CLIP4: variants seen among roughly 807,000 people sequenced by gnomAD.
CLIP4 encodes the protein CAP-Gly domain-containing linker protein 4.
In CLIP4, 47 loss-of-function variants were observed where a neutral mutation model predicts 73.1. That is an observed-to-expected ratio of 0.64 (90% CI 0.51 to 0.82). CLIP4 has a LOEUF of 0.82. CLIP4 is among the 40% of genes least tolerant of loss of function. The pLI is 0.00. For synonymous variants in CLIP4, 306 were observed against 295.4 expected, an observed-to-expected ratio of 1.04 and a Z score of -0.37; for missense variants, 874 against 852.9, an observed-to-expected ratio of 1.02 and a Z score of -0.31.
At position 29,156,933 on chromosome 2, in the gene CLIP4, A is replaced by G. The variant is rs150980425; in HGVS notation, c.1256-271A>G. On this transcript the variant is annotated intron_variant, in intron 10 of 15. Transcript: ENST00000320081. ...GTGACTGATGGTCATTAGATTAGGT[A>G]GTCAGTTCACATCAATTGATGTGGT... Among the ~76,000 whole-genome samples the G allele has an allele frequency of 6.4e-3, 970 of 152,312 alleles. 11 individuals are homozygous for G. The highest frequency in any genetic ancestry group is 0.022 in the African/African-American group (917 of 41,570).
Position 29,160,373 on chromosome 2 carries a change from T to C in CLIP4, c.1440T>C (p.Arg480=). The change falls in exon 12 of 16, where the codon CGT becomes CGC. Residue 480 remains arginine, a synonymous_variant. Transcript: ENST00000320081. ...SSATSTANNS[R]CEGELRLGER... is the part of the protein sequence containing the mutation. ...CAACATCTACAGCAAATAATAGCCG[T>C]TGCGAGGGGGAACTCCGCCTCGGAG... The C allele has an allele frequency of 6.2e-7, 1 of 1,614,134 alleles. No homozygotes were observed. The highest frequency in any genetic ancestry group is 8.5e-7 in the Non-Finnish European group (1 of 1,180,004).
At chr2:29,118,517 ATT>A (rs34856696) in intron 1 of CLIP4, among the ~76,000 whole-genome samples, 35 of 138,834 alleles carry the variant, frequency 2.5e-4, no homozygotes, top group South Asian at 2.3e-4. Flanking sequence ...ATTAGTGCCA[ATT>A]TTTTTTTTTT....
intron 5 of CLIP4, among the ~76,000 whole-genome samples, chr2:29,134,586 T>C (rs1295572795): frequency 7.0e-6 from 1 of 142,556 alleles, no homozygotes; most frequent in Non-Finnish European, 1.5e-5. Flanking sequence ...TCTACACTAC[T>C]GTGTCTTTAA....
At chr2:29,132,578 T>C in intron 4 of CLIP4, 1 of 237,034 alleles carries the variant, frequency 4.2e-6, no homozygotes, top group Non-Finnish European at 8.1e-6. Context: ...TACTGATCCC[T>C]AATCTTAAGA....
At position 29,179,077 on chromosome 2, in the gene CLIP4, G is replaced by A. The variant is rs533049887; in HGVS notation, c.1797-2495G>A. Among the ~76,000 whole-genome samples the A allele has an allele frequency of 6.6e-5, 10 of 152,346 alleles. No homozygotes were observed. In the East Asian group the frequency reaches 1.7e-3, roughly 26 times the overall value. ...CCCCAGGTGCTGGGATTATAGGCAT[G>A]AGCCACTGCGCCCAGCCTCTTTTTT... On this transcript the variant is annotated intron_variant, in intron 15 of 15. Transcript: ENST00000320081.
chr2:29,105,114 T>C (rs1359820934), intron 1 of CLIP4, among the ~76,000 whole-genome samples: 4 of 152,212 alleles, frequency 2.6e-5, no homozygotes, highest in African/African-American at 4.8e-5. Flanking sequence ...GCAATGTGTT[T>C]AATGAGGTGT....
intron 6 of CLIP4, among the ~76,000 whole-genome samples, chr2:29,139,528 G>A (rs1665611255): frequency 6.6e-6 from 1 of 151,932 alleles, no homozygotes; most frequent in Admixed American, 6.6e-5. Context: ...CTCCTCCTTG[G>A]TTTTTTCATA....
chr2:29,179,615 A>T (rs1668534912), intron 15 of CLIP4, among the ~76,000 whole-genome samples: 1 of 152,234 alleles, frequency 6.6e-6, no homozygotes, highest in African/African-American at 2.4e-5. Flanking sequence ...CGAAAGAGAT[A>T]ACGTATGTGA....
chr2:29,144,631 C>G (rs528782219), intron 7 of CLIP4, among the ~76,000 whole-genome samples: 1 of 151,864 alleles, frequency 6.6e-6, no homozygotes, highest in Non-Finnish European at 1.5e-5. Flanking sequence ...TGATTTGCTG[C>G]ACCCATCAAC....
At position 29,164,458 on chromosome 2, in the gene CLIP4, C is replaced by G. The variant is rs1025686663; in HGVS notation, c.1658+504C>G. Among the ~76,000 whole-genome samples the G allele has an allele frequency of 2.0e-5, 3 of 152,250 alleles. 1 individual carries two copies. Among genetic ancestry groups the G allele is most frequent in the Admixed American group, 2.0e-4 (3 of 15,292 alleles). ...CTTCAAGGATTTTTATATAATATATCTCCTTGGTGTTTCTTCTTAAGATAG... is the reference window on the plus strand; with the variant it reads ...CTTCAAGGATTTTTATATAATATATGTCCTTGGTGTTTCTTCTTAAGATAG... On this transcript the variant is annotated intron_variant, in intron 13 of 15. Transcript: ENST00000320081.
At chr2:29,124,456 G>T (rs143673641) in intron 2 of CLIP4, among the ~76,000 whole-genome samples, 3 of 151,844 alleles carry the variant, frequency 2.0e-5, no homozygotes, top group Admixed American at 2.0e-4. Flanking sequence ...GTATGTTCTT[G>T]TGCTTGGGTT....
Position 29,133,815 on chromosome 2 carries a change from AG to A in CLIP4, c.529+1del, listed in dbSNP as rs751343484. 3.7e-6 allele frequency: 6 copies of A among 1,600,790 alleles called. No individual in the cohort carries two copies. Among genetic ancestry groups the A allele is most frequent in the Non-Finnish European group, 5.1e-6 (6 of 1,174,858 alleles). ...TGATTTTGAAAACATCGAAACCAAA[AG>A]GCAAGTATTATAAGATCACCTTTAG... ...RVILKTSKPK[D>X]VDATCSDFNF... On this transcript the variant is annotated frameshift_variant and splice_region_variant, in exon 5 of 16. Coordinates refer to ENST00000320081, the MANE Select transcript of CLIP4 (RefSeq NM_024692.6). LOFTEE classifies it high-confidence loss of function.
At chr2:29,106,707 C>T (rs1051188342) in intron 1 of CLIP4, among the ~76,000 whole-genome samples, 1 of 152,066 alleles carries the variant, frequency 6.6e-6, no homozygotes, top group Non-Finnish European at 1.5e-5. Flanking sequence ...TTCCATACTG[C>T]TTTTCAAGTA....
At chr2:29,126,597 A>C (rs1168725565) in intron 2 of CLIP4, among the ~76,000 whole-genome samples, 1 of 152,260 alleles carries the variant, frequency 6.6e-6, no homozygotes, top group African/African-American at 2.4e-5. Flanking sequence ...AAGGCAGGGC[A>C]TTAAGAAGAT....
upstream of CLIP4, chr2:29,115,144 A>G (rs1668508886): frequency 6.6e-6 from 1 of 152,394 alleles, no homozygotes; most frequent in East Asian, 1.9e-4. This position sits in a 1 kb window ranked among gnomAD's most constrained non-coding sequence, Gnocchi z 5.1. Flanking sequence ...GGGGAGCCCA[A>G]GACGGGTAAG....
intron 1 of CLIP4, among the ~76,000 whole-genome samples, chr2:29,116,710 C>T (rs1663879339): frequency 6.6e-6 from 1 of 152,158 alleles, no homozygotes; most frequent in Non-Finnish European, 1.5e-5. Context: ...AAATATGATG[C>T]ATTTTTTAAA....
At chr2:29,165,914 T>G (rs1667579477) in intron 13 of CLIP4, among the ~76,000 whole-genome samples, 1 of 151,958 alleles carries the variant, frequency 6.6e-6, no homozygotes, top group Non-Finnish European at 1.5e-5. Context: ...TACTTTTTTT[T>G]GATTGCCTTC....
At chr2:29,169,095 T>C (rs1667828937) in intron 14 of CLIP4, among the ~76,000 whole-genome samples, 1 of 152,162 alleles carries the variant, frequency 6.6e-6, no homozygotes, top group Non-Finnish European at 1.5e-5. Context: ...TGAAATTCCC[T>C]AGTGTTTTAA....
At position 29,182,051 on chromosome 2, in the gene CLIP4, C is replaced by T; in HGVS notation, c.*158C>T. 1.7e-6 allele frequency: 1 copy of T among 574,478 alleles called. No homozygotes were observed. The highest frequency in any genetic ancestry group is 2.9e-6 in the Non-Finnish European group (1 of 349,668). The allele number at this position is 574,478 out of a possible 1,614,324, so 35.6% of individuals were successfully genotyped here. On this transcript the variant is annotated 3_prime_UTR_variant, in exon 16 of 16. Coordinates refer to ENST00000320081, the MANE Select transcript of CLIP4 (RefSeq NM_024692.6). ...ATTCAGAGAGAGTTCTTTACAAAGC[C>T]ATGAATATGAACTATGGGGAATCAT...
Sources: allele counts gnomAD v4.1 joint callset (sites outside exome capture counted in the v4.1 genomes callset), GRCh38; gene constraint gnomAD v4.1.1; non-coding constraint Gnocchi (gnomAD v3.1); transcripts MANE v1.5; gene names NCBI Gene and HGNC (gene_info 2026-07-23, HGNC 2026-07-21).